The following CNBD1 variants were observed in gnomAD, a reference collection of about 807,000 sequenced individuals.
CNBD1 encodes cyclic nucleotide binding domain containing 1.
Under a neutral mutation model 54.4 loss-of-function variants are expected in CNBD1, and 71 were observed. That is an observed-to-expected ratio of 1.30 (90% CI 1.08 to 1.59). CNBD1 has a LOEUF of 1.59. Ranked by LOEUF, CNBD1 falls within the 40% of genes most tolerant of loss-of-function variation. The pLI, the probability that CNBD1 is intolerant of heterozygous loss-of-function variation, is 0.00. For missense variants in CNBD1, 659 were observed against 518.0 expected (o/e 1.27, Z -2.64); for synonymous variants, 182 against 170.7 (o/e 1.07, Z -0.51).
chr8:87,351,291 T>G (rs112707746), intron 8 of CNBD1, among the ~76,000 whole-genome samples: 8 of 152,176 alleles, frequency 5.3e-5, no homozygotes, highest in African/African-American at 1.9e-4. Flanking sequence ...TTTCAAATAT[T>G]TATCAATATT....
intron 4 of CNBD1, among the ~76,000 whole-genome samples, chr8:87,187,657 T>C (rs189348246): frequency 4.2e-4 from 64 of 152,272 alleles, no homozygotes; most frequent in African/African-American, 1.5e-3. Context: ...TTAACTCCTA[T>C]GGAAGGACAA....
chr8:87,386,583 G>A (rs1269215499), downstream of CNBD1, among the ~76,000 whole-genome samples: 4 of 152,088 alleles, frequency 2.6e-5, no homozygotes, highest in Non-Finnish European at 5.9e-5. Flanking sequence ...AATGAAAAAA[G>A]CCTCCAAGAA....
At chr8:86,942,053 G>A (rs2130430261) in intron 4 of CNBD1, among the ~76,000 whole-genome samples, 1 of 152,284 alleles carries the variant, frequency 6.6e-6, no homozygotes, top group East Asian at 1.9e-4. Context: ...CAGTAGGAGA[G>A]TAAATGAGAA....
intron 3 of CNBD1, among the ~76,000 whole-genome samples, chr8:86,919,348 G>A (rs1809236617): frequency 6.6e-6 from 1 of 152,180 alleles, no homozygotes. Flanking sequence ...AACTAGAAGA[G>A]GTTTGGAGAG....
At chr8:87,092,429 G>GTGTGTGTGTATATATATACACA (rs1563465488) in intron 4 of CNBD1, among the ~76,000 whole-genome samples, 3 of 137,062 alleles carry the variant, frequency 2.2e-5, no homozygotes, top group African/African-American at 1.0e-4. Context: ...ATGTATGTAT[G>GTGTGTGTGTATATATATACACA]TATGTGTGTG....
At chr8:87,208,591 A>T (rs1387322181) in intron 5 of CNBD1, among the ~76,000 whole-genome samples, 1 of 152,018 alleles carries the variant, frequency 6.6e-6, no homozygotes, top group African/African-American at 2.4e-5. Flanking sequence ...TGATAACCTA[A>T]AGCTCATGAA....
chr8:86,979,404 A>G (rs867222296), intron 4 of CNBD1, among the ~76,000 whole-genome samples: 19 of 141,654 alleles, frequency 1.3e-4, no homozygotes, highest in Non-Finnish European at 1.8e-4. Flanking sequence ...CATCTCTACA[A>G]AAAAAAAAAA....
chr8:87,356,269 A>G (rs912907247), intron 10 of CNBD1, among the ~76,000 whole-genome samples: 18 of 152,198 alleles, frequency 1.2e-4, no homozygotes, highest in African/African-American at 4.3e-4. Context: ...CAGAGGTTGG[A>G]AGAGTTTGAA....
At chr8:87,423,609 C>G (rs1343874736) in intron 2 of CNBD1, among the ~76,000 whole-genome samples, 1 of 147,754 alleles carries the variant, frequency 6.8e-6, no homozygotes, top group Non-Finnish European at 1.5e-5. Context: ...ACCAGCCTTG[C>G]ATCCCAGGGA....
In CNBD1 at chr8:87,017,967, G is replaced by A. The variant is rs1274408901; in HGVS notation, c.431+78213G>A. Among the ~76,000 whole-genome samples the A allele has an allele frequency of 3.3e-5, 5 of 152,194 alleles. No individual in the cohort carries two copies. In the East Asian group the frequency reaches 7.7e-4, roughly 23 times the overall value. On this transcript the variant is annotated intron_variant, in intron 4 of 10. Coordinates refer to ENST00000518476, the MANE Select transcript of CNBD1 (RefSeq NM_173538.3). ...ACCAACTTTAAAAAAATTCTGGCCG[G>A]GAACAGTGGCTCACGCCTATAATCC...
At chr8:87,334,532 T>A (rs886300871) in intron 8 of CNBD1, among the ~76,000 whole-genome samples, 1 of 151,718 alleles carries the variant, frequency 6.6e-6, no homozygotes, top group Non-Finnish European at 1.5e-5. Flanking sequence ...TAAATTTCCC[T>A]CTTAACAGTG....
At chr8:87,348,067 T>C (rs1443310763) in intron 8 of CNBD1, among the ~76,000 whole-genome samples, 1 of 152,192 alleles carries the variant, frequency 6.6e-6, no homozygotes, top group Non-Finnish European at 1.5e-5. Flanking sequence ...ATTTATTTTT[T>C]TCTTATGCCA....
intron 4 of CNBD1, among the ~76,000 whole-genome samples, chr8:86,953,477 G>A (rs965829283): frequency 6.6e-6 from 1 of 152,130 alleles, no homozygotes; most frequent in Non-Finnish European, 1.5e-5. Flanking sequence ...CACAACCTCA[G>A]ACATCAGAAC....
At chr8:86,952,298 T>C (rs1199586225) in intron 4 of CNBD1, among the ~76,000 whole-genome samples, 1 of 152,144 alleles carries the variant, frequency 6.6e-6, no homozygotes, top group Non-Finnish European at 1.5e-5. Context: ...AAATAAACTT[T>C]CTAAATTGAC....
At chr8:87,426,668 G>A (rs552734588) in intron 2 of CNBD1, among the ~76,000 whole-genome samples, 2 of 152,244 alleles carry the variant, frequency 1.3e-5, no homozygotes, top group South Asian at 4.2e-4. Flanking sequence ...TTGTGGCGCG[G>A]CTACCTATCT....
At chr8:86,898,858 A>T (rs978513362) in intron 2 of CNBD1, among the ~76,000 whole-genome samples, 5 of 152,188 alleles carry the variant, frequency 3.3e-5, no homozygotes, top group Non-Finnish European at 2.9e-5. Context: ...TCTGTCAAAG[A>T]CACTGTTAGA....
intron 8 of CNBD1, among the ~76,000 whole-genome samples, chr8:87,300,015 A>G (rs1276065670): frequency 6.6e-6 from 1 of 152,174 alleles, no homozygotes. Flanking sequence ...TAATATAGTG[A>G]AAGGGAAACA....
intron 8 of CNBD1, among the ~76,000 whole-genome samples, chr8:87,293,347 C>T (rs777799589): frequency 4.6e-5 from 7 of 152,046 alleles, no homozygotes; most frequent in Non-Finnish European, 7.4e-5. Flanking sequence ...AGCTCAAGAC[C>T]AGCCTGGACA....
At chr8:87,217,772 C>T (rs1358346762) in intron 5 of CNBD1, among the ~76,000 whole-genome samples, 4 of 151,788 alleles carry the variant, frequency 2.6e-5, no homozygotes, top group Admixed American at 6.6e-5. Context: ...GATTGACTGG[C>T]TTATACTAGA....
Sources: allele counts gnomAD v4.1 joint callset (sites outside exome capture counted in the v4.1 genomes callset), GRCh38; gene constraint gnomAD v4.1.1; transcripts MANE v1.5; gene names NCBI Gene and HGNC (gene_info 2026-07-23, HGNC 2026-07-21).